FBXO15: variants seen among roughly 807,000 people sequenced by gnomAD.
The protein encoded by FBXO15 is F-box protein 15.
FBXO15 carries 30 observed loss-of-function variants against 49.5 expected under a neutral mutation model. That is an observed-to-expected ratio of 0.61 (90% CI 0.45 to 0.82). The LOEUF is 0.82. Among genes scored for constraint, FBXO15 ranks in the 40% least tolerant of loss-of-function variants. The pLI is 0.00. For synonymous variants in FBXO15, 250 were observed against 232.7 expected, an observed-to-expected ratio of 1.07 and a Z score of -0.68; for missense variants, 591 against 631.5, an observed-to-expected ratio of 0.94 and a Z score of 0.69.
intron 1 of FBXO15, among the ~76,000 whole-genome samples, chr18:74,146,360 T>A (rs1319800933): frequency 2.0e-5 from 3 of 152,220 alleles, no homozygotes; most frequent in African/African-American, 7.2e-5. Flanking sequence ...AAATAATGCA[T>A]ACATTTCCAA....
intron 8 of FBXO15, among the ~76,000 whole-genome samples, chr18:74,087,967 T>C (rs1018038259): frequency 6.6e-6 from 1 of 152,192 alleles, no homozygotes; most frequent in Non-Finnish European, 1.5e-5. Flanking sequence ...TAATGATTAG[T>C]GATGTTGAGC....
intron 8 of FBXO15, among the ~76,000 whole-genome samples, chr18:74,121,783 G>T (rs1914481909): frequency 1.3e-5 from 2 of 152,192 alleles, no homozygotes; most frequent in South Asian, 4.1e-4. Context: ...GGGCGAGGAG[G>T]AAAGAAGAAG....
At chr18:74,082,087 C>T (rs112618061) in intron 8 of FBXO15, 36 bp from the exon 9 acceptor site, 45,168 of 1,600,912 alleles carry the variant, frequency 0.028, 738 homozygotes, top group Middle Eastern at 0.034. Flanking sequence ...TCACTGTCTT[C>T]CAGTGCAAGA....
intron 3 of FBXO15, among the ~76,000 whole-genome samples, chr18:74,134,898 A>G (rs1978620107): frequency 6.6e-6 from 1 of 152,112 alleles, no homozygotes; most frequent in Admixed American, 6.5e-5. Flanking sequence ...AAACAAAACC[A>G]TCAGTTAAAA....
At chr18:74,091,294 G>A (rs1913015943) in intron 8 of FBXO15, among the ~76,000 whole-genome samples, 1 of 152,102 alleles carries the variant, frequency 6.6e-6, no homozygotes, top group Non-Finnish European at 1.5e-5. Context: ...GTCACTGCAT[G>A]TGAGATGGGT....
At chr18:74,079,858 C>T (rs1912415998) in intron 9 of FBXO15, among the ~76,000 whole-genome samples, 2 of 152,288 alleles carry the variant, frequency 1.3e-5, no homozygotes. Flanking sequence ...CACGACTGCA[C>T]ATCACTTCAA....
chr18:74,077,616 G>T (rs1046389831), intron 9 of FBXO15, among the ~76,000 whole-genome samples: 5 of 152,204 alleles, frequency 3.3e-5, no homozygotes, highest in Admixed American at 6.5e-5. Flanking sequence ...TGGGCTGCGA[G>T]GAGGACACCA....
At chr18:74,126,793 C>A (rs1978289898) in intron 5 of FBXO15, among the ~76,000 whole-genome samples, 2 of 152,174 alleles carry the variant, frequency 1.3e-5, no homozygotes, top group Admixed American at 1.3e-4. Flanking sequence ...AAAAGGACAC[C>A]AGCTGCAGTC....
At chr18:74,117,033 C>A (rs1488206474) in intron 8 of FBXO15, among the ~76,000 whole-genome samples, 1 of 152,042 alleles carries the variant, frequency 6.6e-6, no homozygotes, top group African/African-American at 2.4e-5. Context: ...TGATTTATAC[C>A]CAAACGCAAT....
chr18:74,103,029 C>A (rs951452251), intron 8 of FBXO15, among the ~76,000 whole-genome samples: 8 of 151,904 alleles, frequency 5.3e-5, no homozygotes, highest in African/African-American at 7.3e-5. Context: ...ACGGGTGCAC[C>A]AAAATTTCAC....
At chr18:74,137,424 T>A (rs1039042122) in intron 2 of FBXO15, among the ~76,000 whole-genome samples, 6 of 152,338 alleles carry the variant, frequency 3.9e-5, no homozygotes, top group African/African-American at 1.4e-4. Context: ...CTTAAAGACA[T>A]TTCAGAAAAG....
intron 3 of FBXO15, 146 bp from the exon 4 acceptor site, chr18:74,130,804 T>A: frequency 7.1e-6 from 6 of 843,172 alleles, no homozygotes; most frequent in Non-Finnish European, 1.1e-5. Context: ...GTTCATCTGT[T>A]AAAGTGAATT....
chr18:74,124,937 A>G (rs1390157665), intron 6 of FBXO15, among the ~76,000 whole-genome samples: 1 of 152,186 alleles, frequency 6.6e-6, no homozygotes, highest in Admixed American at 6.5e-5. Context: ...GATTAATTCT[A>G]CAAATACTGA....
Position 74,135,764 on chromosome 18 carries a change from G to A in FBXO15, c.330C>T (p.Asp110=). 4 of 1,597,900 alleles carry A rather than the reference G, an allele frequency of 2.5e-6. No individual in the cohort carries two copies. Among genetic ancestry groups the A allele is most frequent in the Non-Finnish European group, 3.4e-6 (4 of 1,175,318 alleles). ...VSRRFYHLAN[D]NFIWIGIYST... ...CAGAGACTTGGATTTCTGCTTACTT[G>A]TCATTGGCTAGATGATAAAAGCGCC... is the stretch of plus-strand genomic sequence containing the variant. Residue 110 remains aspartate (D), a splice_region_variant and synonymous_variant, in exon 3 of 10, where the codon GAC becomes GAT. Transcript: ENST00000419743.
Position 74,123,353 on chromosome 18 carries a change from C to G in FBXO15, c.1138+15G>C. 6.3e-7 allele frequency: 1 copy of G among 1,592,594 alleles called. No homozygotes were observed. The highest frequency in any genetic ancestry group is 8.5e-7 in the Non-Finnish European group (1 of 1,173,938). ...CTTTAATTTCATAATGAAATAAAAA[C>G]TCAATCAATTTCACCTCTCTTGGTG... is the stretch of plus-strand genomic sequence containing the variant. On this transcript the variant is annotated intron_variant, in intron 8 of 9. Transcript: ENST00000419743.
intron 8 of FBXO15, among the ~76,000 whole-genome samples, chr18:74,118,573 CAGG>C (rs1323468527): frequency 1.3e-5 from 2 of 151,878 alleles, no homozygotes; most frequent in East Asian, 3.9e-4. Context: ...AAAGACTGTA[CAGG>C]AGTTCTCTGT....
At chr18:74,129,362 T>C (rs756168996) in intron 5 of FBXO15, 43 bp downstream of exon 5, 5 of 1,532,126 alleles carry the variant, frequency 3.3e-6, no homozygotes, top group Non-Finnish European at 3.6e-6. Context: ...AATATTTACA[T>C]ATAAGATGCT....
At chr18:74,144,498 G>A (rs1979284461) in intron 1 of FBXO15, among the ~76,000 whole-genome samples, 1 of 152,082 alleles carries the variant, frequency 6.6e-6, no homozygotes, top group Non-Finnish European at 1.5e-5. Flanking sequence ...CTGGAGCAGT[G>A]GTTCTCAAAG....
intron 5 of FBXO15, among the ~76,000 whole-genome samples, chr18:74,127,730 C>A (rs73476538): frequency 0.089 from 13,529 of 152,204 alleles, 1,114 homozygotes; most frequent in African/African-American, 0.22. Flanking sequence ...TAAATTACAT[C>A]AAATGAATTT....
Sources: gnomAD v4.1 joint callset for allele counts (sites outside exome capture counted in the v4.1 genomes callset) on GRCh38, gnomAD v4.1.1 for gene constraint, MANE v1.5 for transcripts, NCBI Gene and HGNC (gene_info 2026-07-23, HGNC 2026-07-21) for gene names.